The following LRP1B variants were observed in gnomAD, a reference collection of about 807,000 sequenced individuals.
LRP1B encodes low-density lipoprotein receptor-related protein 1B.
Under a neutral mutation model 556.6 loss-of-function variants are expected in LRP1B, and 217 were observed. The ratio of observed to expected loss-of-function variants is 0.39; its 90% CI spans 0.35 to 0.44. The LOEUF (loss-of-function observed/expected upper bound fraction) is 0.44, where lower values mean the gene tolerates loss of function less well. Among genes scored for constraint, LRP1B ranks in the 20% least tolerant of loss-of-function variants. The pLI is 1.00. For synonymous variants in LRP1B, 2,047 were observed against 1,865.8 expected (o/e 1.10, Z -2.50); for missense variants, 5,053 against 5,620.8 (o/e 0.90, Z 3.23).
intron 1 of LRP1B, among the ~76,000 whole-genome samples, chr2:141,999,884 T>C (rs1898021): frequency 0.98 from 148,784 of 151,658 alleles, 73,058 homozygotes; most frequent in East Asian, 1. Flanking sequence ...CTCCCTAATT[T>C]GGTAATTAAA....
At chr2:141,802,198 C>T (rs1696029737) in intron 2 of LRP1B, among the ~76,000 whole-genome samples, 1 of 151,998 alleles carries the variant, frequency 6.6e-6, no homozygotes, top group Non-Finnish European at 1.5e-5. Context: ...TGCTGGGTAC[C>T]GAGGAAAATG....
intron 2 of LRP1B, among the ~76,000 whole-genome samples, chr2:141,618,855 C>T (rs1688404189): frequency 6.6e-6 from 1 of 152,226 alleles, no homozygotes. Context: ...CATCTGGAGG[C>T]TGAGCCTTGA....
At chr2:140,992,709 C>T (rs1697128538) in intron 16 of LRP1B, 1 of 151,996 alleles carries the variant, frequency 6.6e-6, no homozygotes, top group Non-Finnish European at 1.5e-5. Context: ...AGAAGTGAGA[C>T]AATTAATCAC....
At chr2:141,591,166 A>T (rs1276769158) in intron 2 of LRP1B, among the ~76,000 whole-genome samples, 1 of 152,116 alleles carries the variant, frequency 6.6e-6, no homozygotes, top group Non-Finnish European at 1.5e-5. Context: ...CTCCTGATGC[A>T]CTTTGCCCAT....
intron 23 of LRP1B, among the ~76,000 whole-genome samples, chr2:140,890,101 T>TA (rs5834787): frequency 6.7e-6 from 1 of 149,774 alleles, no homozygotes; most frequent in Non-Finnish European, 1.5e-5. Context: ...ATTTATTAGT[T>TA]AAAAAAAAAA....
At position 141,063,305 on chromosome 2, in the gene LRP1B, GGGGTATCT is replaced by G. The variant is rs1463208882; in HGVS notation, c.1014-1040_1014-1033del. ...ACATACTTACATTATCTAACAGTAT[GGGGTATCT>G]TTAAAGCTTAAACACATTATTTAAA... On this transcript the variant is annotated intron_variant, in intron 7 of 90. Coordinates refer to ENST00000389484, the MANE Select transcript of LRP1B (RefSeq NM_018557.3). 1.5e-4 allele frequency among the ~76,000 whole-genome samples: 22 copies of G among 151,714 alleles called. 1 individual carries two copies. The highest frequency in any genetic ancestry group is 9.2e-4 in the Admixed American group (14 of 15,168).
chr2:141,958,371 A>C (rs1419867514), intron 1 of LRP1B, among the ~76,000 whole-genome samples: 1 of 151,976 alleles, frequency 6.6e-6, no homozygotes, highest in Admixed American at 6.6e-5. Context: ...AAGGCTATGA[A>C]GTCATTTGCA....
At chr2:140,253,155 CT>C (rs1389277761) in intron 86 of LRP1B, among the ~76,000 whole-genome samples, 1 of 151,898 alleles carries the variant, frequency 6.6e-6, no homozygotes, top group African/African-American at 2.4e-5. Context: ...CTATAATACA[CT>C]AAAATGCCTA....
intron 7 of LRP1B, among the ~76,000 whole-genome samples, chr2:141,087,917 A>G (rs1465308884): frequency 3.3e-5 from 5 of 152,150 alleles, no homozygotes; most frequent in Non-Finnish European, 7.4e-5. Flanking sequence ...TAAGTTAGAC[A>G]TTATAATTCT....
chr2:141,208,053 C>T (rs1045314964), intron 6 of LRP1B: 4 of 152,230 alleles, frequency 2.6e-5, no homozygotes, highest in African/African-American at 9.6e-5. Context: ...ATATATAGGG[C>T]TTTCTCTACC....
chr2:141,509,821 A>T (rs2105149080), intron 2 of LRP1B, among the ~76,000 whole-genome samples: 1 of 152,318 alleles, frequency 6.6e-6, no homozygotes. Context: ...ATTATCCATA[A>T]GTAACACAAA....
chr2:140,733,088 C>T (rs1222917296), intron 35 of LRP1B, among the ~76,000 whole-genome samples: 1 of 152,052 alleles, frequency 6.6e-6, no homozygotes, highest in African/African-American at 2.4e-5. Context: ...AAAAGAAAAA[C>T]AGTGACAGAC....
intron 3 of LRP1B, among the ~76,000 whole-genome samples, chr2:141,322,237 G>T (rs1323436792): frequency 6.6e-6 from 1 of 152,012 alleles, no homozygotes; most frequent in African/African-American, 2.4e-5. Flanking sequence ...CTTTAAGCAA[G>T]ACAATGGGCT....
chr2:142,081,920 C>T (rs1004489859), intron 1 of LRP1B, among the ~76,000 whole-genome samples: 1 of 151,982 alleles, frequency 6.6e-6, no homozygotes, highest in African/African-American at 2.4e-5. Flanking sequence ...AAAAGTGGGA[C>T]CTGGAAAAGG....
intron 2 of LRP1B, among the ~76,000 whole-genome samples, chr2:141,656,271 C>T (rs1690005461): frequency 6.6e-6 from 1 of 152,094 alleles, no homozygotes; most frequent in Non-Finnish European, 1.5e-5. Context: ...AACCATCTTT[C>T]CTAAAACTAT....
At chr2:140,718,653 G>C (rs1314020164) in intron 35 of LRP1B, among the ~76,000 whole-genome samples, 1 of 151,984 alleles carries the variant, frequency 6.6e-6, no homozygotes, top group Non-Finnish European at 1.5e-5. Flanking sequence ...TCTCTCCGCT[G>C]TCTCGCACCA....
At chr2:141,466,396 C>T (rs1682202578) in intron 3 of LRP1B, among the ~76,000 whole-genome samples, 1 of 152,134 alleles carries the variant, frequency 6.6e-6, no homozygotes, top group African/African-American at 2.4e-5. Context: ...ACATGTATAG[C>T]ATGAAATGTT....
chr2:140,569,591 A>G (rs540959659), intron 43 of LRP1B, among the ~76,000 whole-genome samples: 39 of 152,026 alleles, frequency 2.6e-4, no homozygotes, highest in South Asian at 1.0e-3. Context: ...ATAGGCTCCA[A>G]TAATAGAAAC....
chr2:140,353,522 C>A (rs1340455692), intron 75 of LRP1B, among the ~76,000 whole-genome samples: 1 of 152,042 alleles, frequency 6.6e-6, no homozygotes, highest in South Asian at 2.1e-4. Flanking sequence ...TACCTCCATG[C>A]CTTCGAAGGT....
Sources: gnomAD v4.1 joint callset for allele counts (sites outside exome capture counted in the v4.1 genomes callset) on GRCh38, gnomAD v4.1.1 for gene constraint, MANE v1.5 for transcripts, NCBI Gene and HGNC (gene_info 2026-07-23, HGNC 2026-07-21) for gene names.